Variants in CCDC25 observed in about 807,000 individuals in gnomAD.
The protein encoded by CCDC25 is coiled-coil domain containing 25.
A neutral mutation model predicts 35.3 loss-of-function variants in CCDC25; 16 were observed. The ratio of observed to expected loss-of-function variants is 0.45; its 90% CI spans 0.31 to 0.69. The LOEUF (loss-of-function observed/expected upper bound fraction) is 0.69. Ranked by LOEUF, CCDC25 falls within the 30% of genes least tolerant of loss-of-function variation. The probability of loss-of-function intolerance (pLI) is 0.06; values close to 1 mark genes in which losing one functional copy is unlikely to be tolerated. For synonymous variants in CCDC25, 79 were observed against 80.3 expected (o/e 0.98, Z 0.09); for missense variants, 179 against 250.7 (o/e 0.71, Z 1.93).
Position 27,743,656 on chromosome 8 carries a change from G to T in CCDC25, c.552-3139C>A, listed in dbSNP as rs192595676. Among the ~76,000 whole-genome samples the T allele has an allele frequency of 1.3e-3, 199 of 152,342 alleles. 1 individual carries two copies. Among genetic ancestry groups the T allele is most frequent in the Non-Finnish European group, 2.4e-3 (166 of 68,034 alleles). ...TGCCTTTAATCCCAGCACTTTGGGA[G>T]GCCAAGGCAGGAGGATCACTTGAGC... On this transcript the variant is annotated intron_variant, in intron 7 of 8. Transcript: ENST00000356537.
intron 2 of CCDC25, among the ~76,000 whole-genome samples, chr8:27,763,826 A>G (rs1804309648): frequency 6.6e-6 from 1 of 152,202 alleles, no homozygotes; most frequent in Admixed American, 6.5e-5. Flanking sequence ...ACCATCCAGA[A>G]AAGGAAAAGC....
chr8:27,750,635 A>G (rs1446857775), intron 5 of CCDC25, among the ~76,000 whole-genome samples: 1 of 152,182 alleles, frequency 6.6e-6, no homozygotes, highest in Non-Finnish European at 1.5e-5. Flanking sequence ...GAAATACGTG[A>G]AGGGAAAGAA....
intron 7 of CCDC25, 51 bp downstream of exon 7, chr8:27,748,026 C>T (rs1044648829): frequency 7.7e-6 from 12 of 1,548,588 alleles, no homozygotes; most frequent in Non-Finnish European, 1.1e-5. Flanking sequence ...TGATTAAAAT[C>T]ATCAGGGAAT....
chr8:27,769,974 T>A (rs1804530733), intron 1 of CCDC25, among the ~76,000 whole-genome samples: 1 of 152,266 alleles, frequency 6.6e-6, no homozygotes, highest in East Asian at 1.9e-4. Flanking sequence ...AAACCCCGTT[T>A]CTACTAACAA....
intron 8 of CCDC25, among the ~76,000 whole-genome samples, chr8:27,739,043 CTGA>C (rs1285736570): frequency 6.6e-6 from 1 of 152,134 alleles, no homozygotes; most frequent in Non-Finnish European, 1.5e-5. Flanking sequence ...GTCCATTTTA[CTGA>C]TGATGAATAC....
At position 27,740,817 on chromosome 8, in the gene CCDC25, G is replaced by A. The variant is rs1245169434; in HGVS notation, c.552-300C>T. Among the ~76,000 whole-genome samples the A allele has an allele frequency of 2.0e-5, 3 of 152,158 alleles. No individual in the cohort carries two copies. The East Asian group carries it at 5.8e-4, about 29-fold the overall frequency. On this transcript the variant is annotated intron_variant, in intron 7 of 8. Coordinates refer to ENST00000356537, the MANE Select transcript of CCDC25 (RefSeq NM_018246.3). The stretch of plus-strand genomic sequence containing the variant: ...TGGCATTATTCCTACTTTTCAGATG[G>A]GGAAATTCACCTACAGCCAAGATCT...
chr8:27,760,200 G>A (rs1268827430), intron 3 of CCDC25, among the ~76,000 whole-genome samples: 1 of 152,138 alleles, frequency 6.6e-6, no homozygotes, highest in African/African-American at 2.4e-5. Flanking sequence ...GAAAAACTGA[G>A]GTCATAATTT....
intron 1 of CCDC25, among the ~76,000 whole-genome samples, chr8:27,767,134 G>A (rs780351779): frequency 6.6e-6 from 1 of 152,180 alleles, no homozygotes; most frequent in Non-Finnish European, 1.5e-5. Context: ...AGGAGGCCGC[G>A]GTGGGCAGAT....
At chr8:27,738,129 G>A (rs922830571) in intron 8 of CCDC25, among the ~76,000 whole-genome samples, 5 of 151,966 alleles carry the variant, frequency 3.3e-5, no homozygotes, top group African/African-American at 1.2e-4. Context: ...GTGGGAGGGG[G>A]GTGAGGGATA....
At chr8:27,750,810 C>T (rs1404805889) in intron 5 of CCDC25, among the ~76,000 whole-genome samples, 2 of 152,206 alleles carry the variant, frequency 1.3e-5, no homozygotes, top group Non-Finnish European at 2.9e-5. Flanking sequence ...AGACCTATGA[C>T]CCAGAACAGG....
chr8:27,736,310 ATTATC>A (rs1242303427), intron 8 of CCDC25, 65 bp from the exon 9 acceptor site: 5 of 1,296,090 alleles, frequency 3.9e-6, no homozygotes, highest in Non-Finnish European at 5.4e-6. Context: ...AAAATTTACA[ATTATC>A]TTAATTAGCG....
chr8:27,757,350 C>T (rs1009747708), intron 3 of CCDC25, among the ~76,000 whole-genome samples: 4 of 152,142 alleles, frequency 2.6e-5, no homozygotes, highest in South Asian at 2.1e-4. Context: ...GGCCTAAAGA[C>T]GCTAAGCAGA....
chr8:27,762,794 A>G (rs953256332), intron 2 of CCDC25, among the ~76,000 whole-genome samples: 1 of 152,196 alleles, frequency 6.6e-6, no homozygotes, highest in African/African-American at 2.4e-5. Context: ...AATAATACTT[A>G]AACATTAAAA....
chr8:27,738,463 C>T lies in CCDC25; in HGVS notation c.597+2009G>A, dbSNP rs545649650. 9.9e-5 allele frequency among the ~76,000 whole-genome samples: 15 copies of T among 152,210 alleles called. No individual in the cohort carries two copies. In the South Asian group the frequency reaches 1.2e-3, roughly 13 times the overall value. ...ACTTGGAGCTCAGGAACAGGGGTTG[C>T]AAGCAACAGAGGGAGAGTTAGGGTA... On this transcript the variant is annotated intron_variant, in intron 8 of 8. Transcript: ENST00000356537.
chr8:27,738,575 T>C (rs1248628181), intron 8 of CCDC25, among the ~76,000 whole-genome samples: 2 of 144,448 alleles, frequency 1.4e-5, no homozygotes, highest in Non-Finnish European at 3.0e-5. Flanking sequence ...GGTGTTTGTA[T>C]ATGTATGTAT....
At chr8:27,760,979 A>G (rs1215798848) in intron 3 of CCDC25, among the ~76,000 whole-genome samples, 1 of 152,128 alleles carries the variant, frequency 6.6e-6, no homozygotes, top group Non-Finnish European at 1.5e-5. Flanking sequence ...AATACAAAAA[A>G]TTAGCCAGGC....
chr8:27,754,761 A>G (rs934921982), intron 4 of CCDC25: 12 of 152,274 alleles, frequency 7.9e-5, no homozygotes, highest in African/African-American at 2.9e-4. Flanking sequence ...GCCTCCCCAG[A>G]TGCTAGCATG....
At chr8:27,771,812 G>A (rs1003479781) in intron 1 of CCDC25, 1 of 152,212 alleles carries the variant, frequency 6.6e-6, no homozygotes, top group African/African-American at 2.4e-5. Context: ...GGCCAAAACT[G>A]TCTTAAGGGA....
intron 7 of CCDC25, among the ~76,000 whole-genome samples, chr8:27,743,663 G>A (rs1002379043): frequency 6.6e-6 from 1 of 152,240 alleles, no homozygotes; most frequent in Non-Finnish European, 1.5e-5. Context: ...GGAGGCCAAG[G>A]CAGGAGGATC....
Sources: gnomAD v4.1 joint callset for allele counts (sites outside exome capture counted in the v4.1 genomes callset) on GRCh38, gnomAD v4.1.1 for gene constraint, MANE v1.5 for transcripts, NCBI Gene and HGNC (gene_info 2026-07-23, HGNC 2026-07-21) for gene names.